The following SLA2 variants were observed in gnomAD, a reference collection of about 807,000 sequenced individuals.
SLA2 encodes Src like adaptor 2, also known as src-like-adapter 2.
In SLA2, 22 loss-of-function variants were observed where a neutral mutation model predicts 27.3. That is an observed-to-expected ratio of 0.81 (90% CI 0.58 to 1.15). The LOEUF (loss-of-function observed/expected upper bound fraction) is 1.15. SLA2 is among the 50% of genes most tolerant of loss of function. SLA2 has a pLI of 0.00. For synonymous variants in SLA2, 131 were observed against 137.8 expected, an observed-to-expected ratio of 0.95 and a Z score of 0.34; for missense variants, 304 against 322.2, an observed-to-expected ratio of 0.94 and a Z score of 0.43.
chr20:36,630,771 C>CA (rs1368012676), intron 5 of SLA2, among the ~76,000 whole-genome samples: 3 of 152,138 alleles, frequency 2.0e-5, no homozygotes, highest in Non-Finnish European at 4.4e-5. Context: ...GGCAGCAGCT[C>CA]AGAGGGAGGC....
chr20:36,625,791 C>T (rs2039331060), intron 5 of SLA2, among the ~76,000 whole-genome samples: 1 of 145,146 alleles, frequency 6.9e-6, no homozygotes, highest in Admixed American at 7.0e-5. Flanking sequence ...TGTGCCACTG[C>T]ACTCCAGCCT....
intron 3 of SLA2, among the ~76,000 whole-genome samples, chr20:36,634,057 A>T (rs2039419144): frequency 6.6e-6 from 1 of 151,860 alleles, no homozygotes; most frequent in South Asian, 2.1e-4. Flanking sequence ...GCGTGATCTC[A>T]GCTCACTGCA....
At chr20:36,635,625 C>A (rs2039437273) in intron 2 of SLA2, among the ~76,000 whole-genome samples, 1 of 152,068 alleles carries the variant, frequency 6.6e-6, no homozygotes, top group Non-Finnish European at 1.5e-5. Context: ...TGGAGAGCTC[C>A]CCAGGGGTCT....
chr20:36,613,757 T>TC lies in SLA2; in HGVS notation c.*108dup. The TC allele has an allele frequency of 1.7e-5, 8 of 471,798 alleles. No homozygotes were observed. The highest frequency in any genetic ancestry group is 5.4e-5 in the Admixed American group (2 of 36,854). 29.2% of individuals were successfully genotyped at this position (471,798 alleles called of 1,614,324 possible). On this transcript the variant is annotated 3_prime_UTR_variant, in exon 8 of 8. Coordinates refer to ENST00000262866, the MANE Select transcript of SLA2 (RefSeq NM_032214.4). ...GTGGGACCCTAGATGCACCTCTGTG[T>TC]CCCACCCTCCCTCCCTGAGTGCACA... is the stretch of plus-strand genomic sequence containing the variant.
At chr20:36,631,602 T>C (rs1356495316) in intron 5 of SLA2, among the ~76,000 whole-genome samples, 1 of 152,190 alleles carries the variant, frequency 6.6e-6, no homozygotes, top group Admixed American at 6.5e-5. Flanking sequence ...TCAAGTCATA[T>C]CACACTTGGC....
chr20:36,639,697 C>CAA (rs74173988), intron 2 of SLA2, among the ~76,000 whole-genome samples: 7 of 136,916 alleles, frequency 5.1e-5, no homozygotes, highest in African/African-American at 1.9e-4. Flanking sequence ...ACTAAAAATA[C>CAA]AAAAAAAAAA....
chr20:36,639,860 CAA>C (rs112908435), intron 2 of SLA2, among the ~76,000 whole-genome samples: 19 of 130,936 alleles, frequency 1.5e-4, no homozygotes, highest in Non-Finnish European at 3.0e-4. Flanking sequence ...GACTCCGTCT[CAA>C]AAAAAAAAAG....
At chr20:36,616,087 A>G (rs1356453847) in intron 5 of SLA2, among the ~76,000 whole-genome samples, 18 of 152,218 alleles carry the variant, frequency 1.2e-4, no homozygotes, top group Non-Finnish European at 2.5e-4. Flanking sequence ...CCAACATGAC[A>G]TTATATGTTG....
At chr20:36,644,523 C>T (rs1294055505) in intron 1 of SLA2, among the ~76,000 whole-genome samples, 1 of 152,178 alleles carries the variant, frequency 6.6e-6, no homozygotes, top group African/African-American at 2.4e-5. Flanking sequence ...CTTCCTGCCG[C>T]AGGTGGAGCT....
In SLA2 at chr20:36,613,788, G is replaced by T. The variant is rs1186585421; in HGVS notation, c.*78C>A. 127 of 510,572 alleles carry T rather than the reference G, an allele frequency of 2.5e-4. No homozygotes were observed. The highest frequency in any genetic ancestry group is 4.7e-4 in the South Asian group (24 of 50,914). 31.6% of individuals were successfully genotyped at this position (510,572 alleles called of 1,614,324 possible). On this transcript the variant is annotated 3_prime_UTR_variant, in exon 8 of 8. Coordinates refer to ENST00000262866, the MANE Select transcript of SLA2 (RefSeq NM_032214.4). ...CCTCCCTCCCTGAGTGCACAGCCTT[G>T]CCTCTGGGGTGCCCAGGAGGCTGAA...
chr20:36,641,357 G>A lies in SLA2; in HGVS notation c.-22C>T. ...CCATTGTTCCTCAGCAGAGCACTCA[G>A]AAGCACATCATCGAGGGAAATCTGA... On this transcript the variant is annotated 5_prime_UTR_variant, in exon 2 of 8. Coordinates refer to ENST00000262866, the MANE Select transcript of SLA2 (RefSeq NM_032214.4). The A allele has an allele frequency of 6.2e-7, 1 of 1,603,086 alleles. No homozygotes were observed. The highest frequency in any genetic ancestry group is 8.5e-7 in the Non-Finnish European group (1 of 1,170,196).
rs753354973 is a variant in SLA2, at chr20:36,614,341, A to G, written c.629T>C (p.Val210Ala). ...PGKDIPLPVT[V>A]QRTPLNWKEL... ...TTTCCAGTTGAGTGGTGTCCTCTGC[A>G]CAGTCACAGGTAGGGGTATATCCTT... The change falls in exon 7 of 8, where the codon GTG becomes GCG. Residue 210 changes from valine (V) to alanine (A), a missense_variant. Coordinates refer to ENST00000262866, the MANE Select transcript of SLA2 (RefSeq NM_032214.4). 9 of 1,614,120 alleles carry G rather than the reference A, an allele frequency of 5.6e-6. No homozygotes were observed. The highest frequency in any genetic ancestry group is 7.6e-6 in the Non-Finnish European group (9 of 1,180,018).
intron 5 of SLA2, among the ~76,000 whole-genome samples, chr20:36,632,260 G>A (rs1468512774): frequency 6.6e-6 from 1 of 152,154 alleles, no homozygotes; most frequent in Non-Finnish European, 1.5e-5. Flanking sequence ...CAGCACCACT[G>A]TGTCTTGTTG....
At chr20:36,620,457 TA>T in intron 5 of SLA2, 2 of 231,762 alleles carry the variant, frequency 8.6e-6, no homozygotes, top group Admixed American at 5.1e-5. Context: ...ATGGCAAGAT[TA>T]AAACCATAGA....
At chr20:36,625,332 C>T (rs145502578) in intron 5 of SLA2, among the ~76,000 whole-genome samples, 69 of 150,058 alleles carry the variant, frequency 4.6e-4, no homozygotes, top group African/African-American at 1.5e-3. Flanking sequence ...AAGCAATTCT[C>T]CTGCCTCAGC....
At chr20:36,635,316 C>T (rs1030421884) in intron 2 of SLA2, among the ~76,000 whole-genome samples, 5 of 151,004 alleles carry the variant, frequency 3.3e-5, no homozygotes, top group African/African-American at 1.2e-4. Context: ...CACATAAACA[C>T]ATTAAGTAGG....
chr20:36,620,202 A>G (rs1345372386), intron 5 of SLA2, among the ~76,000 whole-genome samples: 2 of 151,592 alleles, frequency 1.3e-5, no homozygotes, highest in Non-Finnish European at 2.9e-5. Context: ...CAGCCTGGCT[A>G]ACATGGTGAA....
chr20:36,621,138 T>G (rs2039277985), intron 5 of SLA2: 1 of 417,112 alleles, frequency 2.4e-6, no homozygotes. Context: ...CTTATAGCAG[T>G]AGACGGGGCT....
At chr20:36,635,259 AT>A (rs1350185772) in intron 2 of SLA2, among the ~76,000 whole-genome samples, 1 of 151,784 alleles carries the variant, frequency 6.6e-6, no homozygotes, top group Non-Finnish European at 1.5e-5. Context: ...GCACCCTAGC[AT>A]CCCTCCCTTC....
Sources: gnomAD v4.1 joint callset for allele counts (sites outside exome capture counted in the v4.1 genomes callset) on GRCh38, gnomAD v4.1.1 for gene constraint, MANE v1.5 for transcripts, NCBI Gene and HGNC (gene_info 2026-07-23, HGNC 2026-07-21) for gene names.